Variants in STIM1 observed in about 807,000 individuals in gnomAD.
The protein encoded by STIM1 is stromal interaction molecule 1.
A neutral mutation model predicts 74.7 loss-of-function variants in STIM1; 25 were observed. The observed-to-expected ratio is 0.33, with a 90% CI of 0.24 to 0.47. The LOEUF is 0.47. Among genes scored for constraint, STIM1 ranks in the 20% least tolerant of loss-of-function variants. The pLI, the probability that STIM1 is intolerant of heterozygous loss-of-function variation, is 1.00. For synonymous variants in STIM1, 328 were observed against 348.8 expected (o/e 0.94, Z 0.66); for missense variants, 728 against 920.8 (o/e 0.79, Z 2.71).
intron 1 of STIM1, among the ~76,000 whole-genome samples, chr11:3,941,589 G>A (rs1328741299): frequency 3.0e-5 from 4 of 135,450 alleles, no homozygotes; most frequent in African/African-American, 1.2e-4. Context: ...ATATATATGT[G>A]TGTGTGTGTG....
intron 2 of STIM1, among the ~76,000 whole-genome samples, chr11:4,022,249 C>A (rs1437699000): frequency 6.7e-6 from 1 of 149,050 alleles, no homozygotes; most frequent in Non-Finnish European, 1.5e-5. Flanking sequence ...ATGGAAGGAT[C>A]TCTTGAGGCC....
chr11:3,912,848 T>C (rs1014012258), intron 1 of STIM1, among the ~76,000 whole-genome samples: 1 of 152,224 alleles, frequency 6.6e-6, no homozygotes, highest in African/African-American at 2.4e-5. Flanking sequence ...GTGTCAGTTC[T>C]ATCTGGGGGG....
At chr11:4,008,055 T>G (rs2093800368) in intron 2 of STIM1, among the ~76,000 whole-genome samples, 3 of 152,112 alleles carry the variant, frequency 2.0e-5, no homozygotes, top group Admixed American at 2.0e-4. Context: ...ATTTTATATA[T>G]AGTCATAGGC....
rs16929703 is a variant in STIM1, at chr11:3,874,575, A to G, written c.139+18166A>G. Among the ~76,000 whole-genome samples, 1,473 of 152,328 alleles carry G rather than the reference A, an allele frequency of 9.7e-3. 31 individuals are homozygous for G. Among genetic ancestry groups the G allele is most frequent in the East Asian group, 0.052 (268 of 5,192 alleles). ...TTCCTAAGGTAGCACAAATGATTTC[A>G]TGTCCTCTTATCCTTTTAAGCCGCT... On this transcript the variant is annotated intron_variant, in intron 1 of 12. Transcript: ENST00000526596.
At chr11:3,951,506 A>G (rs2093147979) in intron 1 of STIM1, among the ~76,000 whole-genome samples, 1 of 152,142 alleles carries the variant, frequency 6.6e-6, no homozygotes, top group Non-Finnish European at 1.5e-5. Context: ...TCCTCTTGTT[A>G]CTATGGAAAC....
chr11:3,949,945 C>T (rs1032725631), intron 1 of STIM1, among the ~76,000 whole-genome samples: 2 of 152,184 alleles, frequency 1.3e-5, no homozygotes, highest in Admixed American at 1.3e-4. Flanking sequence ...CTCCCGTCTC[C>T]TTTCAACCCC....
intron 1 of STIM1, among the ~76,000 whole-genome samples, chr11:3,863,795 A>G (rs539482517): frequency 6.6e-6 from 1 of 152,160 alleles, no homozygotes; most frequent in South Asian, 2.1e-4. Flanking sequence ...CGTTCAAGTA[A>G]TCCTTATTTT....
At chr11:4,016,077 T>C (rs751969210) in intron 2 of STIM1, among the ~76,000 whole-genome samples, 3 of 152,218 alleles carry the variant, frequency 2.0e-5, no homozygotes, top group Non-Finnish European at 4.4e-5. Flanking sequence ...CCTCCAGTTT[T>C]GTTCCCTTGC....
rs114915823 is a variant in STIM1, at chr11:4,083,379, C to G, written c.1355C>G (p.Ala452Gly). 5.0e-6 allele frequency: 8 copies of G among 1,614,270 alleles called. No individual in the cohort carries two copies. The African/African-American group carries it at 1.1e-4, about 22-fold the overall frequency. The change falls in exon 10 of 13, where the codon GCT (alanine) becomes GGT (glycine). Residue 452 changes from alanine to glycine, a missense_variant. Transcript: ENST00000526596. The part of the protein sequence containing the change: ...VNNPGIHSLV[A>G]ALNIDPSWMG... ...AACCCTGGCATCCACTCACTGGTGG[C>G]TGCCCTCAACATAGACCCCAGCTGG... is the stretch of plus-strand genomic sequence containing the variant.
In STIM1 at chr11:4,070,047, A is replaced by T. The variant is rs756925085; in HGVS notation, c.635A>T (p.Lys212Met). ...PPLLTRHNHL[K>M]DFMLVVSIVI... ...GCAGTGACTCGCCATAATCACCTCA[A>T]GGACTTCATGCTGGTGGTGTCTATC... Residue 212 changes from lysine (K) to methionine (M), a missense_variant, in exon 6 of 13, where the codon AAG (lysine) becomes ATG (methionine). Lys to Met is a moderately conservative substitution (Grantham distance 95, BLOSUM62 -1). Transcript: ENST00000526596. 1.2e-6 allele frequency: 2 copies of T among 1,614,166 alleles called. No homozygotes were observed. Among genetic ancestry groups the T allele is most frequent in the Non-Finnish European group, 1.7e-6 (2 of 1,180,020 alleles).
chr11:3,856,167 G>A lies in STIM1; in HGVS notation c.-104G>A, dbSNP rs1316200959. On this transcript the variant is annotated 5_prime_UTR_variant, in exon 1 of 13. Coordinates refer to ENST00000526596, the MANE Select transcript of STIM1 (RefSeq NM_001382567.1). ...GGCTGGACAGCTGCGGAGCCGCGAG[G>A]GCATCTTGCCTGGAGACCGTCGGCT... 1.3e-6 allele frequency: 2 copies of A among 1,501,980 alleles called. No individual in the cohort carries two copies. Among genetic ancestry groups the A allele is most frequent in the Non-Finnish European group, 1.8e-6 (2 of 1,087,824 alleles). 93.0% of individuals were successfully genotyped at this position (1,501,980 alleles called of 1,614,324 possible). A position where few individuals can be genotyped will look rare whatever the true frequency, so the allele number is the denominator to read the frequency against.
chr11:4,082,384 C>T, intron 8 of STIM1, 33 bp downstream of exon 8: 1 of 1,576,128 alleles, frequency 6.3e-7, no homozygotes, highest in Non-Finnish European at 8.6e-7. Flanking sequence ...CCTCTTTTCT[C>T]CTTTTTGCCC....
intron 2 of STIM1, among the ~76,000 whole-genome samples, chr11:3,995,919 C>T (rs1446143055): frequency 1.3e-5 from 2 of 151,406 alleles, no homozygotes; most frequent in African/African-American, 2.4e-5. Context: ...GTTGCCCAGG[C>T]TGGTGAAATT....
At chr11:3,883,443 C>G (rs1379810906) in intron 1 of STIM1, among the ~76,000 whole-genome samples, 1 of 152,194 alleles carries the variant, frequency 6.6e-6, no homozygotes, top group Non-Finnish European at 1.5e-5. Flanking sequence ...GCAACCTCTG[C>G]CTTCCGTTCA....
intron 1 of STIM1, among the ~76,000 whole-genome samples, chr11:3,909,841 C>T (rs1018840231): frequency 2.7e-5 from 4 of 150,486 alleles, no homozygotes; most frequent in African/African-American, 9.8e-5. Flanking sequence ...ATTATATGGT[C>T]AATAACATAT....
chr11:3,897,805 A>G (rs1468801497), intron 1 of STIM1, among the ~76,000 whole-genome samples: 1 of 151,988 alleles, frequency 6.6e-6, no homozygotes. Flanking sequence ...GAGAATGATG[A>G]TTTCCAATTT....
intron 1 of STIM1, among the ~76,000 whole-genome samples, chr11:3,918,190 T>C (rs1178764802): frequency 1.3e-5 from 2 of 152,068 alleles, no homozygotes; most frequent in African/African-American, 4.8e-5. Context: ...AAGAAAGATA[T>C]CAGATTTGGG....
At position 4,082,359 on chromosome 11, in the gene STIM1, C is replaced by G. The variant is rs757148575; in HGVS notation, c.1137+8C>G. 2 of 1,607,146 alleles carry G rather than the reference C, an allele frequency of 1.2e-6. No homozygotes were observed. The highest frequency in any genetic ancestry group is 2.2e-5 in the East Asian group (1 of 44,722). ...CTGGTGGCCAAGGAGGGGGTGAGAA[C>G]AGCCCTTCTATTGTCCTCTTTTCTC... On this transcript the variant is annotated splice_region_variant and intron_variant, in intron 8 of 12. Transcript: ENST00000526596.
intron 5 of STIM1, among the ~76,000 whole-genome samples, chr11:4,063,081 AATAG>A (rs1184617672): frequency 6.6e-6 from 1 of 152,120 alleles, no homozygotes; most frequent in Non-Finnish European, 1.5e-5. Flanking sequence ...AGAGACAGAA[AATAG>A]ATTAGTGGTT....
Sources: gnomAD v4.1 joint callset for allele counts (sites outside exome capture counted in the v4.1 genomes callset) on GRCh38, gnomAD v4.1.1 for gene constraint, MANE v1.5 for transcripts, NCBI Gene and HGNC (gene_info 2026-07-23, HGNC 2026-07-21) for gene names.